The following SLC27A1 variants were observed in gnomAD, a reference collection of about 807,000 sequenced individuals.
The protein encoded by SLC27A1 is solute carrier family 27 member 1.
A neutral mutation model predicts 62.2 loss-of-function variants in SLC27A1; 61 were observed. The observed-to-expected ratio is 0.98, with a 90% CI of 0.80 to 1.21. The LOEUF is 1.21. Among genes scored for constraint, SLC27A1 ranks in the 50% most tolerant of loss-of-function variants. The pLI, the probability that SLC27A1 is intolerant of heterozygous loss-of-function variation, is 0.00. For missense variants in SLC27A1, 903 were observed against 932.1 expected (o/e 0.97, Z 0.41); for synonymous variants, 435 against 408.6 (o/e 1.06, Z -0.78).
chr19:17,494,016 GTTTC>G (rs2075322051), intron 6 of SLC27A1, among the ~76,000 whole-genome samples: 1 of 140,490 alleles, frequency 7.1e-6, no homozygotes, highest in African/African-American at 2.7e-5. Flanking sequence ...CCAGGTAGCT[GTTTC>G]TTTTTTTTTT....
At chr19:17,502,595 C>T (rs1013451469) in intron 11 of SLC27A1, among the ~76,000 whole-genome samples, 31 of 152,072 alleles carry the variant, frequency 2.0e-4, no homozygotes, top group Middle Eastern at 3.4e-3. Context: ...CTCAAGTGAT[C>T]CACCTGCCTT....
At chr19:17,499,749 G>T (rs113976460) in intron 7 of SLC27A1, 4,822 of 153,624 alleles carry the variant, frequency 0.031, 110 homozygotes, top group Non-Finnish European at 0.051. Context: ...GGAGGCAGAG[G>T]TTACAGTGAG....
At chr19:17,471,281 G>A (rs962871514) in intron 1 of SLC27A1, among the ~76,000 whole-genome samples, 5 of 152,032 alleles carry the variant, frequency 3.3e-5, no homozygotes, top group Admixed American at 2.0e-4. Context: ...GAGTTTCCTC[G>A]GGATCGTTTA....
At position 17,500,575 on chromosome 19, in the gene SLC27A1, A is replaced by T. The variant is rs780790885; in HGVS notation, c.1414A>T (p.Thr472Ser). 14 of 1,613,602 alleles carry T rather than the reference A, an allele frequency of 8.7e-6. No homozygotes were observed. In the Admixed American group the frequency reaches 2.3e-4, roughly 27 times the overall value. The change falls in exon 9 of 12, where the codon ACC (threonine) becomes TCC (serine). Residue 472 changes from threonine (T) to serine (S), a missense_variant. Thr to Ser is a moderately conservative substitution (Grantham distance 58, BLOSUM62 1). Transcript: ENST00000252595. ...CGATGGCTATGTCAGCGAGAGCGCC[A>T]CCAGCAAGAAGATCGCCCACAGCGT... is the stretch of plus-strand genomic sequence containing the variant. Reference protein sequence around the residue: ...RFDGYVSESATSKKIAHSVFS... With the variant: ...RFDGYVSESASSKKIAHSVFS...
chr19:17,488,940 G>T lies in SLC27A1; in HGVS notation c.886+1G>T, dbSNP rs1388946921. 5.6e-6 allele frequency: 9 copies of T among 1,614,140 alleles called. No homozygotes were observed. The highest frequency in any genetic ancestry group is 6.8e-6 in the Non-Finnish European group (8 of 1,180,006). On this transcript the variant is annotated splice_donor_variant, in intron 5 of 11. Transcript: ENST00000252595. LOFTEE classifies it high-confidence loss of function. ...TGCCTGCCCCTGTACCACTCGGCAG[G>T]TACTACGGCCTGGGTAGGGAATGGT...
Position 17,486,455 on chromosome 19 carries a change from A to C in SLC27A1, c.168-108A>C, listed in dbSNP as rs987364705. 1.1e-5 allele frequency: 15 copies of C among 1,351,864 alleles called. No homozygotes were observed. Among genetic ancestry groups the C allele is most frequent in the Non-Finnish European group, 1.5e-5 (15 of 1,016,394 alleles). The allele number at this position is 1,351,864 out of a possible 1,614,324, so 83.7% of individuals were successfully genotyped here. ...CACCAAAAGTTTCACCATAGACCTCATCAAAGCCCCTGGCTGCCCTGGGGT... is the reference window on the plus strand; with the variant it reads ...CACCAAAAGTTTCACCATAGACCTCCTCAAAGCCCCTGGCTGCCCTGGGGT... On this transcript the variant is annotated intron_variant, in intron 1 of 11. Transcript: ENST00000252595. The surrounding 1 kb of genome is among the most constrained non-coding windows in gnomAD (Gnocchi z 6.6).
intron 10 of SLC27A1, 89 bp from the exon 11 acceptor site, chr19:17,501,184 G>A: frequency 6.5e-7 from 1 of 1,532,298 alleles, no homozygotes; most frequent in Non-Finnish European, 8.8e-7. Flanking sequence ...GGAGATTACA[G>A]ACCAGGGGCT....
At chr19:17,479,629 G>A (rs2075156434) in intron 1 of SLC27A1, among the ~76,000 whole-genome samples, 1 of 128,784 alleles carries the variant, frequency 7.8e-6, no homozygotes, top group Non-Finnish European at 1.7e-5. Context: ...ATATTCTATT[G>A]TTGTTTCTTT....
chr19:17,487,137 C>T, intron 2 of SLC27A1, 37 bp from the exon 3 acceptor site: 1 of 1,613,060 alleles, frequency 6.2e-7, no homozygotes, highest in Non-Finnish European at 8.5e-7. Context: ...GGGGGCCTGT[C>T]CGGCGGTGAC....
upstream of SLC27A1, among the ~76,000 whole-genome samples, chr19:17,469,677 G>T (rs1044033160): frequency 8.5e-5 from 13 of 152,150 alleles, no homozygotes; most frequent in African/African-American, 3.1e-4. Flanking sequence ...GGCTCTGCGG[G>T]CTGAGGGGCT....
At chr19:17,477,238 C>T (rs2075131894) in intron 1 of SLC27A1, among the ~76,000 whole-genome samples, 3 of 52,476 alleles carry the variant, frequency 5.7e-5, no homozygotes, top group Admixed American at 1.8e-4. Flanking sequence ...GGATGAGCAG[C>T]GCTTTTTTTT....
Position 17,486,739 on chromosome 19 carries a change from C to A in SLC27A1, c.344C>A (p.Ala115Glu). ...GCGCAGCTGGACGCCTACTCCAATG[C>A]GGTAGCCAACCTCTTCCGCCAGCTG... The part of the protein sequence containing the change: ...TFAQLDAYSN[A>E]VANLFRQLGF... The change falls in exon 2 of 12, where the codon GCG (alanine) becomes GAG (glutamate). Residue 115 changes from alanine (A) to glutamate (E), a missense_variant. Coordinates refer to ENST00000252595, the MANE Select transcript of SLC27A1 (RefSeq NM_198580.3). The surrounding 1 kb of genome is among the most constrained non-coding windows in gnomAD (Gnocchi z 6.6). 1.2e-6 allele frequency: 2 copies of A among 1,611,020 alleles called. No homozygotes were observed. The highest frequency in any genetic ancestry group is 1.7e-6 in the Non-Finnish European group (2 of 1,178,788).
chr19:17,497,160 G>A (rs1410032516), intron 6 of SLC27A1, 95 bp from the exon 7 acceptor site: 5 of 943,318 alleles, frequency 5.3e-6, no homozygotes, highest in Non-Finnish European at 7.9e-6. Flanking sequence ...CATAGGATTA[G>A]CTCCCTGGGT....
rs773023134 is a variant in SLC27A1 at position 17,500,349 on chromosome 19, G to A, written c.1278G>A (p.Glu426=). Residue 426 remains glutamate (E), a synonymous_variant, in exon 8 of 12, where the codon GAG becomes GAA. Transcript: ENST00000252595. The stretch of plus-strand genomic sequence containing the variant: ...CCATCCGGCTGGTGAAGGTCAATGA[G>A]GACACAATGGAGCTGCTGCGGGATG... The part of the protein sequence containing the change: ...VYPIRLVKVN[E]DTMELLRDAQ... 6.2e-7 allele frequency: 1 copy of A among 1,614,216 alleles called. No homozygotes were observed. The highest frequency in any genetic ancestry group is 8.5e-7 in the Non-Finnish European group (1 of 1,180,036).
chr19:17,481,859 G>C (rs2075181806), intron 1 of SLC27A1, among the ~76,000 whole-genome samples: 1 of 152,154 alleles, frequency 6.6e-6, no homozygotes, highest in Non-Finnish European at 1.5e-5. Flanking sequence ...CTCTCCAGTT[G>C]GAGATGTTAA....
At chr19:17,484,137 C>CTGAA (rs749210562) in intron 1 of SLC27A1, 2 of 152,042 alleles carry the variant, frequency 1.3e-5, no homozygotes, top group African/African-American at 4.8e-5. Context: ...CACCAGCTGC[C>CTGAA]TGAATGAATG....
At chr19:17,492,724 G>A (rs1304380773) in intron 6 of SLC27A1, among the ~76,000 whole-genome samples, 4 of 151,776 alleles carry the variant, frequency 2.6e-5, no homozygotes, top group Non-Finnish European at 5.9e-5. Flanking sequence ...GATCACCTGA[G>A]GTCTGGAGTT....
intron 4 of SLC27A1, 129 bp from the exon 5 acceptor site, chr19:17,488,719 G>T (rs897405090): frequency 2.7e-6 from 2 of 738,108 alleles, no homozygotes; most frequent in African/African-American, 3.5e-5. Flanking sequence ...TTTCCTTCCT[G>T]CCAGCCTGTG....
intron 1 of SLC27A1, among the ~76,000 whole-genome samples, chr19:17,471,060 A>C (rs1043304321): frequency 6.8e-6 from 1 of 147,824 alleles, no homozygotes; most frequent in Non-Finnish European, 1.5e-5. Context: ...GCTGGGGCTG[A>C]CTGGAAATCC....
Sources: gnomAD v4.1 joint callset for allele counts (sites outside exome capture counted in the v4.1 genomes callset) on GRCh38, gnomAD v4.1.1 for gene constraint, Gnocchi (gnomAD v3.1) non-coding constraint, MANE v1.5 for transcripts, NCBI Gene and HGNC (gene_info 2026-07-23, HGNC 2026-07-21) for gene names.